The following PHC3 variants were observed in gnomAD, a reference collection of about 807,000 sequenced individuals.
PHC3 encodes polyhomeotic-like protein 3.
In PHC3, 13 loss-of-function variants were observed where a neutral mutation model predicts 107.4. That is an observed-to-expected ratio of 0.12 (90% CI 0.08 to 0.19). The LOEUF is 0.19. Ranked by LOEUF, PHC3 falls within the 10% of genes least tolerant of loss-of-function variation. The probability of loss-of-function intolerance (pLI) is 1.00; values close to 1 mark genes in which losing one functional copy is unlikely to be tolerated. For missense variants in PHC3, 992 were observed against 1,210.9 expected (o/e 0.82, Z 2.68); for synonymous variants, 456 against 427.4 (o/e 1.07, Z -0.83).
At chr3:170,134,889 G>A (rs1431729061) in intron 7 of PHC3, among the ~76,000 whole-genome samples, 2 of 152,044 alleles carry the variant, frequency 1.3e-5, no homozygotes, top group African/African-American at 4.8e-5. Context: ...GAACCAGAAG[G>A]GACCATAAAA....
chr3:170,116,517 A>C lies in PHC3; in HGVS notation c.2193+709T>G, dbSNP rs190055966. Among the ~76,000 whole-genome samples, 552 of 152,284 alleles carry C rather than the reference A, an allele frequency of 3.6e-3. 4 individuals are homozygous for C. The highest frequency in any genetic ancestry group is 0.013 in the African/African-American group (530 of 41,550). ...GGGAGGCAGAGGTTGCAGTGAGCTGAAACAGTGCCACTGCACTCCAGCCTG... is the reference window on the plus strand; with the variant it reads ...GGGAGGCAGAGGTTGCAGTGAGCTGCAACAGTGCCACTGCACTCCAGCCTG... On this transcript the variant is annotated intron_variant, in intron 10 of 14. Coordinates refer to ENST00000495893, the MANE Select transcript of PHC3 (RefSeq NM_024947.4).
rs1202731012 is a variant in PHC3 at position 170,087,732 on chromosome 3, C to T, written c.*9498G>A. 1 of 152,132 alleles carries T rather than the reference C, an allele frequency of 6.6e-6. No homozygotes were observed. The highest frequency in any genetic ancestry group is 1.9e-4 in the East Asian group (1 of 5,202). 9.4% of individuals were successfully genotyped at this position (152,132 alleles called of 1,614,324 possible). On this transcript the variant is annotated 3_prime_UTR_variant, in exon 15 of 15. Coordinates refer to ENST00000495893, the MANE Select transcript of PHC3 (RefSeq NM_024947.4). Reference sequence around the variant, plus strand: ...CATGAAGCAATGTTACAACAATATTCTATATGAAAATGTGCAGGTAACAAA... The same window carrying T: ...CATGAAGCAATGTTACAACAATATTTTATATGAAAATGTGCAGGTAACAAA...
chr3:170,171,492 A>G, intron 3 of PHC3, 42 bp from the exon 4 acceptor site: 1 of 1,414,116 alleles, frequency 7.1e-7, no homozygotes, highest in Non-Finnish European at 9.7e-7. Context: ...TAAAAACCTG[A>G]AGTTAAGAAC....
chr3:170,174,035 A>C (rs1039007662), intron 2 of PHC3, among the ~76,000 whole-genome samples: 4 of 152,086 alleles, frequency 2.6e-5, no homozygotes, highest in African/African-American at 9.7e-5. Flanking sequence ...TCTACTAAAA[A>C]TACAAAACTT....
rs776927854 is a variant in PHC3 at position 170,129,457 on chromosome 3, A to G, written c.1015T>C (p.Leu339=). 4.3e-6 allele frequency: 7 copies of G among 1,613,786 alleles called. No homozygotes were observed. Among genetic ancestry groups the G allele is most frequent in the Admixed American group, 1.7e-5 (1 of 59,990 alleles). ...TGAATTTGCTGTTGCTGCTGTTGTA[A>G]TATCAGCTGATGATGGGAAACTTTG... ...PSKVSHHQLI[L]QQQQQQIQPI... The change falls in exon 8 of 15, where the codon TTA becomes CTA. Residue 339 remains leucine, a synonymous_variant. Transcript: ENST00000495893.
intron 7 of PHC3, among the ~76,000 whole-genome samples, chr3:170,134,762 G>A (rs1722795654): frequency 6.6e-6 from 1 of 152,190 alleles, no homozygotes; most frequent in African/African-American, 2.4e-5. Flanking sequence ...TTAATGTAAA[G>A]TACTAACACA....
At position 170,113,512 on chromosome 3, in the gene PHC3, C is replaced by A; in HGVS notation, c.2201G>T (p.Arg734Leu). 1 of 1,590,908 alleles carries A rather than the reference C, an allele frequency of 6.3e-7. No homozygotes were observed. Among genetic ancestry groups the A allele is most frequent in the Non-Finnish European group, 8.5e-7 (1 of 1,172,114 alleles). ...AGGCTGTTCTATTAGCAAAGAGGAA[C>A]GACTCACCTTTAAAAAAGGAGAAAT... is the stretch of plus-strand genomic sequence containing the variant. ...QEGLEPFPVS[R>L]SSLLIEQPVK... Residue 734 changes from arginine to leucine, a missense_variant, in exon 11 of 15, where the codon CGT becomes CTT. Physicochemically the swap from Arg to Leu is moderately radical, Grantham distance 102 (BLOSUM62 -2). Transcript: ENST00000495893.
At chr3:170,127,021 A>G (rs1486547158) in intron 8 of PHC3, among the ~76,000 whole-genome samples, 1 of 151,894 alleles carries the variant, frequency 6.6e-6, no homozygotes, top group East Asian at 1.9e-4. Context: ...AAACCAAATC[A>G]CTGAACTAGG....
At chr3:170,129,646 C>T (rs1404613001) in intron 7 of PHC3, 94 bp from the exon 8 acceptor site, 1 of 1,190,340 alleles carries the variant, frequency 8.4e-7, no homozygotes. Context: ...ATCAGAAGGT[C>T]ATAATCATCA....
intron 8 of PHC3, among the ~76,000 whole-genome samples, chr3:170,123,356 T>TACACAC (rs3980601): frequency 4.5e-4 from 68 of 149,798 alleles, no homozygotes; most frequent in East Asian, 1.2e-3. Flanking sequence ...TTGAAATGCA[T>TACACAC]ACACACACAC....
At chr3:170,164,218 CAAAA>C (rs998794961) in intron 4 of PHC3, among the ~76,000 whole-genome samples, 6 of 151,770 alleles carry the variant, frequency 4.0e-5, no homozygotes, top group African/African-American at 1.5e-4. Context: ...AACAAACAAA[CAAAA>C]AAATACAGGA....
At chr3:170,177,161 T>A (rs1402495854) in intron 2 of PHC3, among the ~76,000 whole-genome samples, 5 of 152,184 alleles carry the variant, frequency 3.3e-5, no homozygotes, top group African/African-American at 1.2e-4. Context: ...TAATATAAAC[T>A]TCGTAACATA....
chr3:170,111,430 AGAAAGAAAG>A (rs1410049776), intron 11 of PHC3, among the ~76,000 whole-genome samples: 1 of 151,644 alleles, frequency 6.6e-6, no homozygotes, highest in Non-Finnish European at 1.5e-5. Flanking sequence ...AGAAGGAAGG[AGAAAGAAAG>A]GAAAGAGAAG....
intron 2 of PHC3, among the ~76,000 whole-genome samples, chr3:170,175,769 A>G (rs1454789439): frequency 6.6e-6 from 1 of 151,620 alleles, no homozygotes; most frequent in Admixed American, 6.6e-5. Flanking sequence ...CTAAAAATAC[A>G]AAAAATTAGC....
chr3:170,166,966 G>A (rs917625656), intron 4 of PHC3, among the ~76,000 whole-genome samples: 6 of 152,070 alleles, frequency 3.9e-5, no homozygotes, highest in African/African-American at 1.2e-4. Flanking sequence ...GGGCATGTAC[G>A]TTTTAAAGTT....
At chr3:170,148,878 T>C (rs950630272) in intron 5 of PHC3, 1 of 478,458 alleles carries the variant, frequency 2.1e-6, no homozygotes, top group Non-Finnish European at 3.7e-6. Flanking sequence ...AATGTAATAA[T>C]TACTATTTGA....
At chr3:170,167,486 G>A (rs1442592836) in intron 4 of PHC3, among the ~76,000 whole-genome samples, 2 of 152,312 alleles carry the variant, frequency 1.3e-5, no homozygotes, top group East Asian at 1.9e-4. Context: ...ATAGCCAGGC[G>A]CAGTAGTTCA....
At chr3:170,116,572 C>G (rs1719014050) in intron 10 of PHC3, among the ~76,000 whole-genome samples, 1 of 151,324 alleles carries the variant, frequency 6.6e-6, no homozygotes, top group South Asian at 2.1e-4. Flanking sequence ...CTCTCAAAAA[C>G]TCAAATAAAT....
intron 1 of PHC3, 132 bp from the exon 2 acceptor site, chr3:170,179,070 A>G: frequency 1.2e-6 from 1 of 819,448 alleles, no homozygotes; most frequent in East Asian, 2.4e-5. Context: ...CAGCCAACAC[A>G]CAGTCACTAT....
Sources: allele counts gnomAD v4.1 joint callset (sites outside exome capture counted in the v4.1 genomes callset), GRCh38; gene constraint gnomAD v4.1.1; transcripts MANE v1.5; gene names NCBI Gene and HGNC (gene_info 2026-07-23, HGNC 2026-07-21).